RNF145: variants seen among roughly 807,000 people sequenced by gnomAD.
RNF145 encodes the protein ring finger protein 145.
RNF145 carries 12 observed loss-of-function variants against 57.3 expected under a neutral mutation model. That is an observed-to-expected ratio of 0.21 (90% CI 0.13 to 0.34). The LOEUF (loss-of-function observed/expected upper bound fraction) is 0.34. RNF145 is among the 10% of genes least tolerant of loss of function. The probability of loss-of-function intolerance (pLI) is 1.00; values close to 1 mark genes in which losing one functional copy is unlikely to be tolerated. For synonymous variants in RNF145, 262 were observed against 288.3 expected (o/e 0.91, Z 0.92); for missense variants, 429 against 799.0 (o/e 0.54, Z 5.58).
chr5:159,182,773 T>A (rs1022358876), intron 3 of RNF145, among the ~76,000 whole-genome samples: 1 of 152,142 alleles, frequency 6.6e-6, no homozygotes, highest in Non-Finnish European at 1.5e-5. Flanking sequence ...ATTTAGTTTA[T>A]TATCAGTAAG....
chr5:159,167,553 T>C (rs981591780), intron 8 of RNF145, among the ~76,000 whole-genome samples: 1 of 152,222 alleles, frequency 6.6e-6, no homozygotes, highest in African/African-American at 2.4e-5. Context: ...ATTAGTGTAA[T>C]TAATAACAGA....
intron 6 of RNF145, among the ~76,000 whole-genome samples, chr5:159,171,740 T>G (rs1258359283): frequency 1.3e-5 from 2 of 152,160 alleles, no homozygotes; most frequent in Non-Finnish European, 2.9e-5. Flanking sequence ...AATCTCTTTT[T>G]CTAAATAAGT....
At chr5:159,203,841 T>C (rs977201254) in intron 1 of RNF145, among the ~76,000 whole-genome samples, 185 bp from the exon 2 acceptor site, 1 of 152,214 alleles carries the variant, frequency 6.6e-6, no homozygotes, top group Non-Finnish European at 1.5e-5. Context: ...TGTTTTCACA[T>C]TGACCCATTC....
intron 6 of RNF145, among the ~76,000 whole-genome samples, chr5:159,170,120 A>T (rs1285845474): frequency 6.6e-6 from 1 of 152,216 alleles, no homozygotes; most frequent in Non-Finnish European, 1.5e-5. Flanking sequence ...AGAAATATAT[A>T]ATTAGCATGC....
chr5:159,169,100 C>G, intron 7 of RNF145, 45 bp from the exon 8 acceptor site: 1 of 1,376,982 alleles, frequency 7.3e-7, no homozygotes, highest in Non-Finnish European at 9.8e-7. Context: ...TAATCTGAAT[C>G]TCATTTAATT....
Position 159,174,114 on chromosome 5 carries a change from C to G in RNF145, c.666G>C (p.Trp222Cys). 6.2e-7 allele frequency: 1 copy of G among 1,612,730 alleles called. No homozygotes were observed. Among genetic ancestry groups the G allele is most frequent in the Non-Finnish European group, 8.5e-7 (1 of 1,179,252 alleles). ...YGLLALGMSL[W>C]NQLVVPVLFM... ...AAAGAACAGGGACTACCAGTTGATT[C>G]CACAGGGACATTCCCAAGGCGAGAA... is the stretch of plus-strand genomic sequence containing the variant. Residue 222 changes from tryptophan to cysteine, a missense_variant, in exon 6 of 11, where the codon TGG (tryptophan) becomes TGC (cysteine). Physicochemically the swap from Trp to Cys is radical, Grantham distance 215. Around this residue, in one of 4 missense-constraint regions of RNF145, gnomAD observed 216 missense variants for 457.6 expected, o/e 0.47. Transcript: ENST00000424310.
intron 2 of RNF145, among the ~76,000 whole-genome samples, 191 bp from the exon 3 acceptor site, chr5:159,195,015 G>T (rs915754126): frequency 3.3e-5 from 5 of 151,548 alleles, no homozygotes; most frequent in African/African-American, 9.7e-5. Context: ...AATGTATTGT[G>T]TTTTTCACTT....
At position 159,183,734 on chromosome 5, in the gene RNF145, T is replaced by C. The variant is rs532158909; in HGVS notation, c.294-1683A>G. Among the ~76,000 whole-genome samples, 16 of 152,310 alleles carry C rather than the reference T, an allele frequency of 1.1e-4. No individual in the cohort carries two copies. In the South Asian group the frequency reaches 2.7e-3, roughly 26 times the overall value. Reference sequence around the variant, plus strand: ...AAGCCCAATAATTTCTTTTTGGTCATAGCATATCTCTCTCCAATGGATACA... The same window carrying C: ...AAGCCCAATAATTTCTTTTTGGTCACAGCATATCTCTCTCCAATGGATACA... On this transcript the variant is annotated intron_variant, in intron 3 of 10. Coordinates refer to ENST00000424310, the MANE Select transcript of RNF145 (RefSeq NM_001199383.2).
intron 2 of RNF145, among the ~76,000 whole-genome samples, chr5:159,200,810 T>C (rs145081694): frequency 0.011 from 1,643 of 152,306 alleles, 30 homozygotes; most frequent in African/African-American, 0.038. Context: ...GCAGGGTATA[T>C]AAACTGACAA....
chr5:159,186,950 TCCAGC>T (rs1382870960), intron 3 of RNF145, among the ~76,000 whole-genome samples: 1 of 151,654 alleles, frequency 6.6e-6, no homozygotes, highest in Non-Finnish European at 1.5e-5. Flanking sequence ...ACCATTGCAC[TCCAGC>T]CTGGGCAACA....
At chr5:159,208,426 C>T (rs1584719133) in intron 1 of RNF145, among the ~76,000 whole-genome samples, 1 of 152,008 alleles carries the variant, frequency 6.6e-6, no homozygotes, top group Non-Finnish European at 1.5e-5. Flanking sequence ...AGGGGGTTCA[C>T]GGGTCTGAGG....
At chr5:159,208,820 G>C (rs1469279182) in intron 1 of RNF145, among the ~76,000 whole-genome samples, 1 of 151,980 alleles carries the variant, frequency 6.6e-6, no homozygotes, top group Non-Finnish European at 1.5e-5. Flanking sequence ...CCTAGAAATG[G>C]GATGCTGGGG....
chr5:159,190,801 T>C (rs185828412), intron 3 of RNF145, among the ~76,000 whole-genome samples: 57 of 152,186 alleles, frequency 3.7e-4, no homozygotes, highest in Admixed American at 2.2e-3. Context: ...TATTCAAACA[T>C]TGGTATTTAT....
chr5:159,163,165 A>G, intron 8 of RNF145, 86 bp from the exon 9 acceptor site: 7 of 1,275,916 alleles, frequency 5.5e-6, no homozygotes, highest in Non-Finnish European at 7.6e-6. Context: ...CTCTGGTGCC[A>G]TGATCAAATT....
At chr5:159,205,369 A>G (rs559935319) in intron 1 of RNF145, among the ~76,000 whole-genome samples, 1 of 152,322 alleles carries the variant, frequency 6.6e-6, no homozygotes, top group South Asian at 2.1e-4. Context: ...AACCTTTAAT[A>G]TTTATTGCAA....
chr5:159,181,760 G>A (rs1392475439), intron 4 of RNF145, among the ~76,000 whole-genome samples, 200 bp downstream of exon 4: 2 of 150,158 alleles, frequency 1.3e-5, no homozygotes, highest in African/African-American at 4.9e-5. Flanking sequence ...TGTACAATAT[G>A]ACTATAAATA....
Position 159,174,144 on chromosome 5 carries a change from A to T in RNF145, c.636T>A (p.Tyr212Ter). The change falls in exon 6 of 11, where the codon TAT becomes TAA. Residue 212 changes from tyrosine to a stop codon, truncating the protein, a stop_gained. Transcript: ENST00000424310. LOFTEE classifies it high-confidence loss of function. ...GGGACATTCCCAAGGCGAGAAGGCCATATACCTCCACTACCTAAATAAAAA... is the reference window on the plus strand; with the variant it reads ...GGGACATTCCCAAGGCGAGAAGGCCTTATACCTCCACTACCTAAATAAAAA... Reference protein sequence around the residue: ...YRELVQVVEVYGLLALGMSLW... With the variant: ...YRELVQVVEV 6.2e-7 allele frequency: 1 copy of T among 1,609,186 alleles called. No individual in the cohort carries two copies. Among genetic ancestry groups the T allele is most frequent in the Non-Finnish European group, 8.5e-7 (1 of 1,178,008 alleles).
rs571434623 is a variant in RNF145 at position 159,201,004 on chromosome 5, G to A, written c.184+2430C>T. Among the ~76,000 whole-genome samples, 7 of 152,318 alleles carry A rather than the reference G, an allele frequency of 4.6e-5. No homozygotes were observed. The South Asian group carries it at 1.5e-3, about 32-fold the overall frequency. On this transcript the variant is annotated intron_variant, in intron 2 of 10. Transcript: ENST00000424310. ...AGGATTGTAGGAACTCTCAACCACG[G>A]TTTTTGGAGGTACAAAATAGTAAAA... is the stretch of plus-strand genomic sequence containing the variant.
At chr5:159,198,196 T>C (rs6420104) in intron 2 of RNF145, among the ~76,000 whole-genome samples, 131,392 of 151,964 alleles carry the variant, frequency 0.86, 57,150 homozygotes, top group African/African-American at 0.95. Context: ...GAGCTAAGAT[T>C]GTACCACTGC....
Sources: gnomAD v4.1 joint callset for allele counts (sites outside exome capture counted in the v4.1 genomes callset) on GRCh38, gnomAD v4.1.1 for gene constraint, gnomAD v4.1.1 regional missense constraint, MANE v1.5 for transcripts, NCBI Gene and HGNC (gene_info 2026-07-23, HGNC 2026-07-21) for gene names.